Variants in CDH12 observed in about 807,000 individuals in gnomAD.
CDH12 encodes the protein cadherin-12.
CDH12 carries 41 observed loss-of-function variants against 74.1 expected under a neutral mutation model. That is an observed-to-expected ratio of 0.55 (90% CI 0.43 to 0.72). The LOEUF (loss-of-function observed/expected upper bound fraction) is 0.72. CDH12 is among the 30% of genes least tolerant of loss of function. The probability of loss-of-function intolerance (pLI) is 0.00; values close to 1 mark genes in which losing one functional copy is unlikely to be tolerated. For synonymous variants in CDH12, 399 were observed against 355.0 expected (o/e 1.12, Z -1.39); for missense variants, 945 against 977.2 (o/e 0.97, Z 0.44).
At chr5:21,772,868 C>T (rs893457399) in intron 11 of CDH12, among the ~76,000 whole-genome samples, 1 of 151,984 alleles carries the variant, frequency 6.6e-6, no homozygotes, top group East Asian at 1.9e-4. Flanking sequence ...TAATCAGATA[C>T]TAATTAAGAA....
At chr5:21,765,731 A>G (rs1299930530) in intron 11 of CDH12, among the ~76,000 whole-genome samples, 1 of 152,116 alleles carries the variant, frequency 6.6e-6, no homozygotes, top group Non-Finnish European at 1.5e-5. Context: ...AGTATCAGAA[A>G]GACTGTCAGT....
At chr5:21,865,237 T>C (rs1158025900) in intron 6 of CDH12, among the ~76,000 whole-genome samples, 3 of 152,142 alleles carry the variant, frequency 2.0e-5, no homozygotes, top group African/African-American at 7.2e-5. Context: ...GAGGAGAGGA[T>C]GATTTAAAGA....
At chr5:21,973,563 AC>A (rs1240972263) in intron 6 of CDH12, among the ~76,000 whole-genome samples, 1 of 152,128 alleles carries the variant, frequency 6.6e-6, no homozygotes, top group Non-Finnish European at 1.5e-5. Context: ...ATCCAAGGAG[AC>A]GGAATTTTCC....
chr5:22,357,280 T>A (rs1289111282), intron 3 of CDH12, among the ~76,000 whole-genome samples: 2 of 152,122 alleles, frequency 1.3e-5, no homozygotes, highest in Admixed American at 1.3e-4. Flanking sequence ...CAATTATTTC[T>A]GATTTCTAGT....
chr5:22,817,609 T>TA (rs1449816775), intron 1 of CDH12, among the ~76,000 whole-genome samples: 1 of 152,192 alleles, frequency 6.6e-6, no homozygotes, highest in African/African-American at 2.4e-5. Context: ...TTGGCTGATT[T>TA]ATCTTTGACT....
chr5:21,883,787 T>C lies in CDH12; in HGVS notation c.527-28997A>G, dbSNP rs1313981427. The C allele has an allele frequency of 5.7e-6, 9 of 1,574,254 alleles. No individual in the cohort carries two copies. In the Admixed American group the frequency reaches 1.5e-4, roughly 26 times the overall value. On this transcript the variant is annotated intron_variant, in intron 6 of 14. Transcript: ENST00000382254. ...ATGAATGGCTGGCAAAACTTTCAGA[T>C]GGAGTAGTTGTGCTGAAGTTTGGTG...
chr5:21,986,453 ACTTC>A (rs1443847405), intron 5 of CDH12, among the ~76,000 whole-genome samples: 1 of 152,188 alleles, frequency 6.6e-6, no homozygotes, highest in Non-Finnish European at 1.5e-5. Context: ...GTGAATAAGA[ACTTC>A]TATAAAAGTT....
chr5:22,277,516 T>G (rs1262466297), intron 3 of CDH12, among the ~76,000 whole-genome samples: 2 of 152,026 alleles, frequency 1.3e-5, no homozygotes, highest in African/African-American at 2.4e-5. Context: ...GTGCTTTTTG[T>G]GACAGACGTA....
intron 1 of CDH12, among the ~76,000 whole-genome samples, chr5:22,760,139 T>C (rs772300686): frequency 2.0e-5 from 3 of 152,216 alleles, no homozygotes; most frequent in Admixed American, 1.3e-4. Context: ...TAGCAATGAA[T>C]AAAATAAATT....
intron 1 of CDH12, among the ~76,000 whole-genome samples, chr5:22,816,710 G>A (rs1749412056): frequency 6.6e-6 from 1 of 152,098 alleles, no homozygotes; most frequent in East Asian, 1.9e-4. Context: ...CTATGGCAGA[G>A]CCTTCATTAT....
intron 7 of CDH12, 94 bp downstream of exon 7, chr5:21,854,577 T>C: frequency 1.0e-6 from 1 of 963,694 alleles, no homozygotes; most frequent in Non-Finnish European, 1.6e-6. Context: ...GCTTTATGGC[T>C]ATATTAGAAT....
In CDH12 at chr5:22,400,048, C is replaced by T. The variant is rs139511978; in HGVS notation, c.-333+5209G>A. On this transcript the variant is annotated intron_variant, in intron 3 of 14. Coordinates refer to ENST00000382254, the MANE Select transcript of CDH12 (RefSeq NM_004061.5). ...AATCCTGGACTCCTCCCTTCCTAACCAGAGAGCTTCTTTTCAATCTTCATT... is the reference window on the plus strand; with the variant it reads ...AATCCTGGACTCCTCCCTTCCTAACTAGAGAGCTTCTTTTCAATCTTCATT... 3.3e-5 allele frequency among the ~76,000 whole-genome samples: 5 copies of T among 152,246 alleles called. No individual in the cohort carries two copies. The East Asian group carries it at 9.7e-4, about 29-fold the overall frequency.
At chr5:21,911,114 C>T (rs748280852) in intron 6 of CDH12, among the ~76,000 whole-genome samples, 8 of 152,090 alleles carry the variant, frequency 5.3e-5, no homozygotes, top group Non-Finnish European at 8.8e-5. Flanking sequence ...ATTAAATGTA[C>T]TTTCTTAAAA....
chr5:21,859,219 T>C (rs1750905208), intron 6 of CDH12, among the ~76,000 whole-genome samples: 1 of 151,734 alleles, frequency 6.6e-6, no homozygotes, highest in South Asian at 2.1e-4. Context: ...AGAAAAAAGG[T>C]TTAATTGACT....
chr5:22,779,071 T>C (rs1447495612), intron 1 of CDH12, among the ~76,000 whole-genome samples: 2 of 152,144 alleles, frequency 1.3e-5, no homozygotes, highest in African/African-American at 4.8e-5. Flanking sequence ...AGGTTCATTT[T>C]CTGTTTATTT....
At chr5:22,139,773 A>G (rs1419085729) in intron 4 of CDH12, among the ~76,000 whole-genome samples, 1 of 152,052 alleles carries the variant, frequency 6.6e-6, no homozygotes, top group Non-Finnish European at 1.5e-5. Flanking sequence ...TCCTCCTATC[A>G]GCTCAAAATA....
At chr5:22,827,568 C>G (rs879342960) in intron 1 of CDH12, among the ~76,000 whole-genome samples, 4 of 152,162 alleles carry the variant, frequency 2.6e-5, no homozygotes, top group Admixed American at 2.6e-4. Context: ...CTGATAGATA[C>G]AGGAGCCAGG....
intron 3 of CDH12, among the ~76,000 whole-genome samples, chr5:22,343,282 C>T (rs951324012): frequency 7.1e-5 from 3 of 42,152 alleles, no homozygotes; most frequent in Admixed American, 1.8e-4. Context: ...AACATAAACC[C>T]TACACACACA....
intron 1 of CDH12, among the ~76,000 whole-genome samples, chr5:22,776,343 C>T (rs751675649): frequency 1.3e-5 from 2 of 152,120 alleles, no homozygotes; most frequent in Non-Finnish European, 2.9e-5. Context: ...TTAGCACCTA[C>T]TACTTAAGAA....
Sources: gnomAD v4.1 joint callset for allele counts (sites outside exome capture counted in the v4.1 genomes callset) on GRCh38, gnomAD v4.1.1 for gene constraint, MANE v1.5 for transcripts, NCBI Gene and HGNC (gene_info 2026-07-23, HGNC 2026-07-21) for gene names.